TRUB1: variants seen among roughly 807,000 people sequenced by gnomAD.
TRUB1 encodes pseudouridylate synthase TRUB1.
In TRUB1, 23 loss-of-function variants were observed where a neutral mutation model predicts 33.9. The ratio of observed to expected loss-of-function variants is 0.68; its 90% CI spans 0.49 to 0.96. The LOEUF (loss-of-function observed/expected upper bound fraction) is 0.96. TRUB1 is among the 40% of genes least tolerant of loss of function. The pLI, the probability that TRUB1 is intolerant of heterozygous loss-of-function variation, is 0.00. For missense variants in TRUB1, 378 were observed against 422.2 expected (o/e 0.90, Z 0.92); for synonymous variants, 163 against 165.4 (o/e 0.99, Z 0.11).
chr10:114,951,387 A>G (rs1228842258), intron 3 of TRUB1, among the ~76,000 whole-genome samples: 1 of 152,188 alleles, frequency 6.6e-6, no homozygotes, highest in Non-Finnish European at 1.5e-5. Flanking sequence ...ATCATTTAAC[A>G]AAATTATATT....
At chr10:114,941,960 A>G (rs1282020466) in intron 1 of TRUB1, among the ~76,000 whole-genome samples, 3 of 151,610 alleles carry the variant, frequency 2.0e-5, no homozygotes, top group Non-Finnish European at 4.4e-5. Context: ...AATTTTTTGT[A>G]TTTTTAGTAG....
intron 7 of TRUB1, among the ~76,000 whole-genome samples, chr10:114,974,785 G>A (rs2084352630): frequency 1.3e-5 from 2 of 152,050 alleles, no homozygotes; most frequent in Non-Finnish European, 2.9e-5. Context: ...TTCTGGCTGT[G>A]CCATTTACTG....
chr10:114,962,866 A>G (rs1437931650), intron 4 of TRUB1, among the ~76,000 whole-genome samples: 2 of 152,236 alleles, frequency 1.3e-5, no homozygotes, highest in Middle Eastern at 3.2e-3. Flanking sequence ...ATCAAAAAAG[A>G]TAGGCAGCAG....
chr10:114,975,455 T>C lies in TRUB1; in HGVS notation c.*76T>C, dbSNP rs1193367857. The C allele has an allele frequency of 2.2e-6, 3 of 1,352,114 alleles. No homozygotes were observed. The highest frequency in any genetic ancestry group is 3.0e-6 in the Non-Finnish European group (3 of 1,016,736). The allele number at this position is 1,352,114 out of a possible 1,614,324, so 83.8% of individuals were successfully genotyped here. A position where few individuals can be genotyped will look rare whatever the true frequency, so the allele number is the denominator to read the frequency against. ...GCAGATGCAGAATGACAAGCTGCAT[T>C]CAAAAGACAAACAATATGTCTTTTT... On this transcript the variant is annotated 3_prime_UTR_variant, in exon 8 of 8. Coordinates refer to ENST00000298746, the MANE Select transcript of TRUB1 (RefSeq NM_139169.5).
chr10:114,944,166 G>A (rs967163768), intron 2 of TRUB1, among the ~76,000 whole-genome samples: 2 of 151,694 alleles, frequency 1.3e-5, no homozygotes, highest in African/African-American at 2.4e-5. Flanking sequence ...CCCCCTTCCC[G>A]ACATATGAGA....
intron 2 of TRUB1, among the ~76,000 whole-genome samples, chr10:114,950,761 G>A (rs553671266): frequency 2.0e-5 from 3 of 152,244 alleles, no homozygotes; most frequent in Non-Finnish European, 2.9e-5. Context: ...TAATTGTGCC[G>A]TGTGTTTTTC....
intron 3 of TRUB1, among the ~76,000 whole-genome samples, chr10:114,955,498 T>G (rs754462781): frequency 1.3e-4 from 20 of 152,214 alleles, no homozygotes; most frequent in Non-Finnish European, 2.4e-4. Context: ...TCTGTGCAGG[T>G]AAACCATAGT....
intron 2 of TRUB1, among the ~76,000 whole-genome samples, chr10:114,945,485 C>T (rs565505973): frequency 2.0e-5 from 3 of 152,226 alleles, no homozygotes; most frequent in South Asian, 4.1e-4. Context: ...CTATTAATTT[C>T]GGGTGGCGGT....
At chr10:114,944,512 A>G (rs1341856270) in intron 2 of TRUB1, among the ~76,000 whole-genome samples, 1 of 152,146 alleles carries the variant, frequency 6.6e-6, no homozygotes, top group Non-Finnish European at 1.5e-5. Flanking sequence ...TACAAAAATT[A>G]GCCGGGCATG....
At chr10:114,962,469 A>T (rs904844683) in intron 4 of TRUB1, among the ~76,000 whole-genome samples, 3 of 152,260 alleles carry the variant, frequency 2.0e-5, no homozygotes, top group Admixed American at 6.5e-5. Flanking sequence ...ACAGTTAAAA[A>T]TAGTATTTGT....
intron 4 of TRUB1, among the ~76,000 whole-genome samples, chr10:114,965,084 C>T (rs1462159204): frequency 6.6e-6 from 1 of 151,968 alleles, no homozygotes; most frequent in Non-Finnish European, 1.5e-5. Context: ...TGCCAGCCAC[C>T]ACGCCTGGCT....
At chr10:114,974,210 T>C in intron 6 of TRUB1, 119 bp from the exon 7 acceptor site, 1 of 743,242 alleles carries the variant, frequency 1.3e-6, no homozygotes, top group Non-Finnish European at 2.3e-6. Context: ...AGTGCATAAA[T>C]ATTTTATCAC....
In TRUB1 at chr10:114,975,550, A is replaced by G; in HGVS notation, c.*171A>G. On this transcript the variant is annotated 3_prime_UTR_variant, in exon 8 of 8. Transcript: ENST00000298746. ...GCACATAATTTATTTTCTATGCATT[A>G]TAAATGGCCTTGCAGTTGGCTCAGT... 1.7e-6 allele frequency: 1 copy of G among 602,912 alleles called. No homozygotes were observed. The highest frequency in any genetic ancestry group is 2.7e-6 in the Non-Finnish European group (1 of 376,574). The allele number at this position is 602,912 out of a possible 1,614,324, so 37.3% of individuals were successfully genotyped here. A position where few individuals can be genotyped will look rare whatever the true frequency, so the allele number is the denominator to read the frequency against.
chr10:114,953,054 T>C (rs2084244237), intron 3 of TRUB1, among the ~76,000 whole-genome samples: 1 of 152,202 alleles, frequency 6.6e-6, no homozygotes, highest in South Asian at 2.1e-4. Flanking sequence ...CATTGAGATA[T>C]TCGTTGTTCA....
Position 114,939,056 on chromosome 10 carries a change from G to T in TRUB1, c.286+517G>T, listed in dbSNP as rs558669361. Among the ~76,000 whole-genome samples, 90 of 152,248 alleles carry T rather than the reference G, an allele frequency of 5.9e-4. 1 individual carries two copies. Among genetic ancestry groups the T allele is most frequent in the African/African-American group, 2.0e-3 (85 of 41,536 alleles). On this transcript the variant is annotated intron_variant, in intron 1 of 7. Transcript: ENST00000298746. ...CCTGCCCTGTCCGAGATTGTGATTC[G>T]GAGAGTTCGGGGTATTTTTAGGAAA...
At chr10:114,972,613 C>A (rs1355077237) in intron 6 of TRUB1, among the ~76,000 whole-genome samples, 1 of 152,020 alleles carries the variant, frequency 6.6e-6, no homozygotes, top group Non-Finnish European at 1.5e-5. Context: ...TTTTTATTAT[C>A]TTTTGGATGC....
At position 114,968,416 on chromosome 10, in the gene TRUB1, A is replaced by G. The variant is rs75025672; in HGVS notation, c.524-1952A>G. ...ATGTGGCTAAGTTGTTAACTATTGC[A>G]ATTTTATCAACAGTGACATTTCCTT... is the stretch of plus-strand genomic sequence containing the variant. On this transcript the variant is annotated intron_variant, in intron 4 of 7. Coordinates refer to ENST00000298746, the MANE Select transcript of TRUB1 (RefSeq NM_139169.5). Among the ~76,000 whole-genome samples, 1,125 of 152,340 alleles carry G rather than the reference A, an allele frequency of 7.4e-3. 15 individuals carry two copies. Among genetic ancestry groups the G allele is most frequent in the African/African-American group, 0.026 (1,066 of 41,574 alleles).
intron 3 of TRUB1, among the ~76,000 whole-genome samples, chr10:114,952,551 C>T (rs973520522): frequency 2.6e-5 from 4 of 152,034 alleles, no homozygotes; most frequent in Admixed American, 1.3e-4. Context: ...ATTGATTGAT[C>T]GATTGATTTT....
At chr10:114,969,203 A>G (rs2084324074) in intron 4 of TRUB1, among the ~76,000 whole-genome samples, 13 of 150,920 alleles carry the variant, frequency 8.6e-5, no homozygotes, top group Admixed American at 8.6e-4. Context: ...AGGCTGAGGC[A>G]GGAGGATCAC....
Sources: gnomAD v4.1 joint callset for allele counts (sites outside exome capture counted in the v4.1 genomes callset) on GRCh38, gnomAD v4.1.1 for gene constraint, MANE v1.5 for transcripts, NCBI Gene and HGNC (gene_info 2026-07-23, HGNC 2026-07-21) for gene names.